ROBO2: variants seen among roughly 807,000 people sequenced by gnomAD.
ROBO2 encodes the protein roundabout homolog 2.
A neutral mutation model predicts 160.8 loss-of-function variants in ROBO2; 53 were observed. That is an observed-to-expected ratio of 0.33 (90% CI 0.26 to 0.41). ROBO2 has a LOEUF of 0.41. ROBO2 is among the 10% of genes least tolerant of loss of function. ROBO2 has a pLI of 1.00. For missense variants in ROBO2, 1,577 were observed against 1,722.4 expected, an observed-to-expected ratio of 0.92 and a Z score of 1.49; for synonymous variants, 664 against 611.7, an observed-to-expected ratio of 1.09 and a Z score of -1.26.
chr3:76,336,713 G>C (rs2073912276), intron 2 of ROBO2, among the ~76,000 whole-genome samples: 1 of 152,092 alleles, frequency 6.6e-6, no homozygotes. Flanking sequence ...GCCATTTTGA[G>C]AGTTAATGGC....
At chr3:76,640,617 G>A (rs1178312180) in intron 2 of ROBO2, among the ~76,000 whole-genome samples, 1 of 151,976 alleles carries the variant, frequency 6.6e-6, no homozygotes, top group Non-Finnish European at 1.5e-5. Flanking sequence ...GTGTGTGTGT[G>A]TGTGTGTGTG....
intron 2 of ROBO2, among the ~76,000 whole-genome samples, chr3:77,359,718 A>G (rs2069649817): frequency 6.6e-6 from 1 of 152,120 alleles, no homozygotes; most frequent in African/African-American, 2.4e-5. Context: ...TCGCCCTTTC[A>G]CTCAGGTTGG....
intron 1 of ROBO2, among the ~76,000 whole-genome samples, chr3:77,083,994 G>C (rs2068978207): frequency 6.6e-6 from 1 of 152,082 alleles, no homozygotes. Flanking sequence ...TGTGGAATGA[G>C]TGAATTATCT....
intron 2 of ROBO2, among the ~76,000 whole-genome samples, chr3:76,870,805 T>TAA (rs34389469): frequency 9.5e-4 from 143 of 150,908 alleles, no homozygotes; most frequent in Admixed American, 3.4e-3. Flanking sequence ...AACAAAACAT[T>TAA]AAAAAAAAAC....
At chr3:77,370,200 G>C (rs757958660) in intron 2 of ROBO2, among the ~76,000 whole-genome samples, 7 of 152,150 alleles carry the variant, frequency 4.6e-5, no homozygotes, top group Non-Finnish European at 1.0e-4. Context: ...AACTGGTATG[G>C]GTTGTGGTTC....
chr3:77,532,953 C>G (rs1205842683), intron 6 of ROBO2, among the ~76,000 whole-genome samples: 1 of 151,930 alleles, frequency 6.6e-6, no homozygotes, highest in African/African-American at 2.4e-5. Context: ...TGTTCATTTT[C>G]TGTCATGAAT....
At chr3:76,277,245 A>C (rs1234552137) in intron 2 of ROBO2, among the ~76,000 whole-genome samples, 1 of 152,016 alleles carries the variant, frequency 6.6e-6, no homozygotes, top group Non-Finnish European at 1.5e-5. Flanking sequence ...AAAAATGTTC[A>C]TGGTAACTAA....
chr3:76,238,291 A>C (rs1414295033), intron 2 of ROBO2, among the ~76,000 whole-genome samples: 1 of 152,190 alleles, frequency 6.6e-6, no homozygotes, highest in Non-Finnish European at 1.5e-5. Flanking sequence ...CAGGAAACTT[A>C]TAATCATAGG....
At chr3:75,908,678 A>G (rs1354522452) in intron 1 of ROBO2, among the ~76,000 whole-genome samples, 1 of 152,212 alleles carries the variant, frequency 6.6e-6, no homozygotes, top group Admixed American at 6.5e-5. Flanking sequence ...GCTATATGAA[A>G]AAAAAGCATT....
At chr3:77,216,852 A>G (rs1204283795) in intron 2 of ROBO2, among the ~76,000 whole-genome samples, 1 of 152,194 alleles carries the variant, frequency 6.6e-6, no homozygotes, top group Non-Finnish European at 1.5e-5. Context: ...TTCAAAATAT[A>G]TATTTATTGC....
At chr3:76,939,376 G>A (rs2077996728) in intron 2 of ROBO2, among the ~76,000 whole-genome samples, 1 of 152,214 alleles carries the variant, frequency 6.6e-6, no homozygotes, top group Non-Finnish European at 1.5e-5. Context: ...CTGCTGATGA[G>A]TGAAACATTC....
At chr3:76,770,160 G>A (rs111402429) in intron 2 of ROBO2, among the ~76,000 whole-genome samples, 4 of 151,418 alleles carry the variant, frequency 2.6e-5, no homozygotes, top group African/African-American at 9.7e-5. Flanking sequence ...TAAATGTCAG[G>A]CATAATTCGA....
intron 2 of ROBO2, among the ~76,000 whole-genome samples, chr3:76,717,678 T>C (rs1345703500): frequency 6.6e-6 from 1 of 152,114 alleles, no homozygotes; most frequent in African/African-American, 2.4e-5. Context: ...GGTAAGAGTT[T>C]TGATATTCTT....
At chr3:76,022,303 G>A (rs2066596782) in intron 2 of ROBO2, among the ~76,000 whole-genome samples, 1 of 151,596 alleles carries the variant, frequency 6.6e-6, no homozygotes, top group African/African-American at 2.4e-5. Flanking sequence ...CTAAACTCCT[G>A]TTATTGTTGA....
At chr3:76,411,275 C>A (rs1202785180) in intron 2 of ROBO2, among the ~76,000 whole-genome samples, 1 of 151,516 alleles carries the variant, frequency 6.6e-6, no homozygotes, top group African/African-American at 2.4e-5. Context: ...GGCAGTGTAC[C>A]AAGACGAGTA....
chr3:76,884,535 T>A (rs1203801719), intron 2 of ROBO2, among the ~76,000 whole-genome samples: 1 of 152,114 alleles, frequency 6.6e-6, no homozygotes, highest in African/African-American at 2.4e-5. Flanking sequence ...AAATCAGAAT[T>A]CACCAGGCAA....
intron 2 of ROBO2, among the ~76,000 whole-genome samples, chr3:76,245,242 G>T (rs1306191387): frequency 6.6e-6 from 1 of 152,140 alleles, no homozygotes; most frequent in Non-Finnish European, 1.5e-5. Flanking sequence ...CAAATATGTG[G>T]GTTAAGTGGG....
chr3:77,236,117 A>T (rs2151319361), intron 2 of ROBO2, among the ~76,000 whole-genome samples: 1 of 152,342 alleles, frequency 6.6e-6, no homozygotes, highest in Non-Finnish European at 1.5e-5. Flanking sequence ...CATTTTAGAA[A>T]AACATGAGAC....
chr3:76,285,874 G>A (rs909885853), intron 2 of ROBO2, among the ~76,000 whole-genome samples: 4 of 151,662 alleles, frequency 2.6e-5, no homozygotes, highest in East Asian at 1.9e-4. Context: ...CATGTTTTCC[G>A]TGTTCTTGTA....
Sources: gnomAD v4.1 joint callset for allele counts (sites outside exome capture counted in the v4.1 genomes callset) on GRCh38, gnomAD v4.1.1 for gene constraint, MANE v1.5 for transcripts, NCBI Gene and HGNC (gene_info 2026-07-23, HGNC 2026-07-21) for gene names.